PLEC: variants seen among roughly 807,000 people sequenced by gnomAD.
PLEC encodes the protein plectin.
A neutral mutation model predicts 392.8 loss-of-function variants in PLEC; 216 were observed. That is an observed-to-expected ratio of 0.55 (90% CI 0.49 to 0.62). PLEC has a LOEUF of 0.62. Among genes scored for constraint, PLEC ranks in the 20% least tolerant of loss-of-function variants. The pLI, the probability that PLEC is intolerant of heterozygous loss-of-function variation, is 0.00. For synonymous variants in PLEC, 3,621 were observed against 2,980.6 expected, an observed-to-expected ratio of 1.21 and a Z score of -7.00; for missense variants, 6,863 against 6,563.4, an observed-to-expected ratio of 1.05 and a Z score of -1.58.
intron 1 of PLEC, among the ~76,000 whole-genome samples, chr8:143,950,004 T>G (rs1316115687): frequency 6.6e-6 from 1 of 152,072 alleles, no homozygotes; most frequent in South Asian, 2.1e-4. Context: ...AGGGGCCACA[T>G]GGGCCCATCA....
rs562229143 is a variant in PLEC, at chr8:143,921,759, C to T, written c.8062G>A (p.Val2688Met). The T allele has an allele frequency of 3.3e-5, 54 of 1,612,264 alleles. No individual in the cohort carries two copies. Among genetic ancestry groups the T allele is most frequent in the Admixed American group, 3.3e-4 (20 of 60,022 alleles). The stretch of plus-strand genomic sequence containing the variant: ...CTGCGGCCCTGCAGGTAGTGGCGCA[C>T]GTCTTCCCGCCGTGCGAGCTCGTCC... ...TVDELARRED[V>M]RHYLQGRSSI... is the part of the protein sequence containing the mutation. Residue 2688 changes from valine to methionine, a missense_variant, in exon 32 of 32, where the codon GTG (valine) becomes ATG (methionine). Physicochemically the swap from Val to Met is conservative, Grantham distance 21 (BLOSUM62 1). Coordinates refer to ENST00000345136, the MANE Select transcript of PLEC (RefSeq NM_201384.3).
At chr8:143,937,686 A>C in intron 3 of PLEC, 1 of 487,902 alleles carries the variant, frequency 2.0e-6, no homozygotes, top group Admixed American at 2.3e-5. Context: ...GCCCCCAGAA[A>C]GCCGGGCTCC....
Position 143,923,937 on chromosome 8 carries a change from C to T in PLEC, c.5992G>A (p.Glu1998Lys). The T allele has an allele frequency of 6.3e-7, 1 of 1,594,318 alleles. No homozygotes were observed. The highest frequency in any genetic ancestry group is 8.5e-7 in the Non-Finnish European group (1 of 1,177,862). ...ERVQKSLAAE[E>K]EAARQRKAAL... is the part of the protein sequence containing the mutation. ...GCCTTCCGCTGCCGTGCGGCCTCCT[C>T]CTCGGCCGCCAGGCTCTTCTGCACG... Residue 1998 changes from glutamate (E) to lysine (K), a missense_variant, in exon 31 of 32, where the codon GAG becomes AAG. Physicochemically the swap from Glu to Lys is moderately conservative, Grantham distance 56. Coordinates refer to ENST00000345136, the MANE Select transcript of PLEC (RefSeq NM_201384.3).
Position 143,919,555 on chromosome 8 carries a change from A to C in PLEC, c.10266T>G (p.Leu3422=). ...AVKAGVVGPE[L]HEQLLSAEKA... is the part of the protein sequence containing the mutation. Reference sequence around the variant, plus strand: ...TCTCGGCAGACAGCAGCTGCTCGTGAAGCTCGGGGCCCACCACGCCCGCCT... The same window carrying C: ...TCTCGGCAGACAGCAGCTGCTCGTGCAGCTCGGGGCCCACCACGCCCGCCT... Residue 3422 remains leucine, a synonymous_variant, in exon 32 of 32, where the codon CTT becomes CTG. Transcript: ENST00000345136. The C allele has an allele frequency of 1.2e-6, 2 of 1,608,700 alleles. No individual in the cohort carries two copies. Among genetic ancestry groups the C allele is most frequent in the Non-Finnish European group, 1.7e-6 (2 of 1,178,748 alleles).
In PLEC at chr8:143,932,655, G is replaced by A. The variant is rs1201554617; in HGVS notation, c.1795C>T (p.Leu599=). The change falls in exon 15 of 32, where the codon CTG becomes TTG. Residue 599 remains leucine (L), a synonymous_variant. Transcript: ENST00000345136. ...AYRDCLGRLD[L]QYAKLLNSSK... ...CTCACCAGCAGCTTGGCGTACTGCAGGTCCAGCCGACCCAGGCAGTCACGG... is the reference window on the plus strand; with the variant it reads ...CTCACCAGCAGCTTGGCGTACTGCAAGTCCAGCCGACCCAGGCAGTCACGG... 4 of 1,610,878 alleles carry A rather than the reference G, an allele frequency of 2.5e-6. No individual in the cohort carries two copies. The Admixed American group carries it at 5.0e-5, about 20-fold the overall frequency.
chr8:143,940,695 C>G (rs978589452), upstream of PLEC, among the ~76,000 whole-genome samples: 1 of 152,172 alleles, frequency 6.6e-6, no homozygotes, highest in Non-Finnish European at 1.5e-5. Context: ...GAGCTGCACT[C>G]GGCCTCAGTT....
In PLEC at chr8:143,925,236, C is replaced by T. The variant is rs1554701425; in HGVS notation, c.4693G>A (p.Val1565Met). 2 of 1,589,554 alleles carry T rather than the reference C, an allele frequency of 1.3e-6. No individual in the cohort carries two copies. ...CTGCGCTGCGCCGTCTCCAGGGCCA[C>T]CTGTACCTGCCGCGCTCGCTCCACC... ...AEVERARQVQ[V>M]ALETAQRSAE... Residue 1565 changes from valine to methionine, a missense_variant, in exon 31 of 32, where the codon GTG becomes ATG. Transcript: ENST00000345136.
Position 143,918,205 on chromosome 8 carries a change from C to G in PLEC, c.11616G>C (p.Gln3872His), listed in dbSNP as rs1554674370. 2 of 1,581,640 alleles carry G rather than the reference C, an allele frequency of 1.3e-6. No homozygotes were observed. Among genetic ancestry groups the G allele is most frequent in the South Asian group, 1.1e-5 (1 of 89,546 alleles). Reference sequence around the variant, plus strand: ...GGGCGTCCGACAGTGGCAGGAGCAGCTGGCCGGTGCCGTCGTCACGACGGC... The same window carrying G: ...GGGCGTCCGACAGTGGCAGGAGCAGGTGGCCGGTGCCGTCGTCACGACGGC... Reference protein sequence around the residue: ...RRCRRDDGTGQLLLPLSDARK... With the variant: ...RRCRRDDGTGHLLLPLSDARK... The change falls in exon 32 of 32, where the codon CAG becomes CAC. Residue 3872 changes from glutamine to histidine, a missense_variant. Coordinates refer to ENST00000345136, the MANE Select transcript of PLEC (RefSeq NM_201384.3).
chr8:143,950,306 G>A (rs781979069), exon 1 of PLEC: 34 of 1,571,386 alleles, frequency 2.2e-5, no homozygotes, highest in Non-Finnish European at 2.6e-5. Flanking sequence ...CTGCTCCTCC[G>A]TCGGCAGCGG....
At position 143,932,275 on chromosome 8, in the gene PLEC, C is replaced by T. The variant is rs782628856; in HGVS notation, c.1978-41G>A. 11 of 1,608,432 alleles carry T rather than the reference C, an allele frequency of 6.8e-6. No homozygotes were observed. The African/African-American group carries it at 1.5e-4, about 21-fold the overall frequency. On this transcript the variant is annotated intron_variant, in intron 16 of 31. Transcript: ENST00000345136. ...AGGGTCTCAGGGACGGCCGGCCACA[C>T]CCGGCTCTGCCACGCTCCCAGCAAA...
chr8:143,958,075 C>T (rs1034878374), upstream of PLEC, among the ~76,000 whole-genome samples: 2 of 152,236 alleles, frequency 1.3e-5, no homozygotes, highest in Non-Finnish European at 2.9e-5. The surrounding 1 kb of genome is among the most constrained non-coding windows in gnomAD (Gnocchi z 4.9). Flanking sequence ...GAGCCTGCGG[C>T]AGGTCCACAG....
Position 143,924,421 on chromosome 8 carries a change from C to G in PLEC, c.5508G>C (p.Ala1836=), listed in dbSNP as rs782631413. Residue 1836 remains alanine (A), a synonymous_variant, in exon 31 of 32, where the codon GCG becomes GCC. Transcript: ENST00000345136. ...RQRAEAERVL[A]EKLAAIGEAT... is the part of the protein sequence containing the mutation. ...CCTCGCCGATGGCGGCCAGCTTCTC[C>G]GCAAGCACCCGCTCCGCCTCGGCCC... The G allele has an allele frequency of 1.9e-6, 3 of 1,590,058 alleles. No homozygotes were observed. Among genetic ancestry groups the G allele is most frequent in the Non-Finnish European group, 1.7e-6 (2 of 1,175,860 alleles).
intron 20 of PLEC, 28 bp downstream of exon 20, chr8:143,930,356 C>T (rs782077191): frequency 6.3e-7 from 1 of 1,577,888 alleles, no homozygotes; most frequent in Middle Eastern, 1.7e-4. Context: ...TGGCCACGCC[C>T]CCCAGTGGAC....
upstream of PLEC, chr8:143,953,675 G>A (rs782216000): frequency 2.3e-5 from 36 of 1,575,906 alleles, no homozygotes; most frequent in South Asian, 3.5e-4. Context: ...CCAGCCAGAG[G>A]TCACTGTGTG....
chr8:143,926,923 C>T (rs370883619), intron 29 of PLEC, 41 bp from the exon 30 acceptor site: 17 of 1,606,914 alleles, frequency 1.1e-5, no homozygotes, highest in Non-Finnish European at 1.4e-5. Context: ...AGAGCTGCAG[C>T]TCCAGCCAGA....
chr8:143,933,844 C>T lies in PLEC; in HGVS notation c.1263+154G>A, dbSNP rs182657697. On this transcript the variant is annotated intron_variant, in intron 12 of 31. Transcript: ENST00000345136. The stretch of plus-strand genomic sequence containing the variant: ...TTAGCTGCACACGAGGAGGGAGGAG[C>T]TCAGGCCTGGATTCCCCACCACATG... Among the ~76,000 whole-genome samples, 935 of 152,326 alleles carry T rather than the reference C, an allele frequency of 6.1e-3. 8 individuals are homozygous for T. The highest frequency in any genetic ancestry group is 0.021 in the African/African-American group (872 of 41,578).
rs782757364 is a variant in PLEC at position 143,924,814 on chromosome 8, C to T, written c.5115G>A (p.Ala1705=). The T allele has an allele frequency of 3.9e-5, 60 of 1,540,476 alleles. No homozygotes were observed. The highest frequency in any genetic ancestry group is 4.7e-5 in the South Asian group (4 of 84,636). The part of the protein sequence containing the change: ...EKQRQLAEGT[A]QQRLAAEQEL... ...CCTGCTCCGCGGCCAGGCGCTGCTG[C>T]GCGGTGCCTTCCGCCAGCTGCCGCT... Residue 1705 remains alanine (A), a synonymous_variant, in exon 31 of 32, where the codon GCG becomes GCA. Transcript: ENST00000345136.
In PLEC at chr8:143,918,215, C is replaced by A; in HGVS notation, c.11606G>T (p.Gly3869Val). The A allele has an allele frequency of 5.7e-6, 9 of 1,576,622 alleles. No individual in the cohort carries two copies. Among genetic ancestry groups the A allele is most frequent in the Non-Finnish European group, 7.7e-6 (9 of 1,169,466 alleles). Residue 3869 changes from glycine to valine, a missense_variant, in exon 32 of 32, where the codon GGC (glycine) becomes GTC (valine). Transcript: ENST00000345136. ...QLLRRCRRDDGTGQLLLPLSD... is the reference protein window; with the variant it reads ...QLLRRCRRDDVTGQLLLPLSD... ...CAGTGGCAGGAGCAGCTGGCCGGTG[C>A]CGTCGTCACGACGGCACCGCCTGAG...
At chr8:143,953,448 C>CCCGCCGCCGCCG (rs1174485406), upstream of PLEC, among the ~76,000 whole-genome samples, 843 of 151,074 alleles carry the variant, frequency 5.6e-3, 7 homozygotes, top group African/African-American at 0.019. Flanking sequence ...CTGTCCCCGC[C>CCCGCCGCCGCCG]CCGCCGCCGC....
Sources: allele counts gnomAD v4.1 joint callset (sites outside exome capture counted in the v4.1 genomes callset), GRCh38; gene constraint gnomAD v4.1.1; non-coding constraint Gnocchi (gnomAD v3.1); transcripts MANE v1.5; gene names NCBI Gene and HGNC (gene_info 2026-07-23, HGNC 2026-07-21).